The following COL23A1 variants were observed in gnomAD, a reference collection of about 807,000 sequenced individuals.
COL23A1 encodes collagen alpha-1(XXIII) chain.
In COL23A1, 97 loss-of-function variants were observed where a neutral mutation model predicts 99.3. The observed-to-expected ratio is 0.98, with a 90% confidence interval of 0.83 to 1.16. COL23A1 has a LOEUF of 1.16. COL23A1 is among the 50% of genes most tolerant of loss of function. COL23A1 has a pLI of 0.00. For missense variants in COL23A1, 762 were observed against 757.4 expected, an observed-to-expected ratio of 1.01 and a Z score of -0.07; for synonymous variants, 320 against 308.2, an observed-to-expected ratio of 1.04 and a Z score of -0.40.
At chr5:178,358,122 CGT>C (rs1032447682) in intron 2 of COL23A1, among the ~76,000 whole-genome samples, 9 of 130,878 alleles carry the variant, frequency 6.9e-5, no homozygotes, top group African/African-American at 2.6e-4. Flanking sequence ...TGTATGTGTA[CGT>C]GTGTACGTCT....
At chr5:178,302,249 C>G (rs112972372) in intron 3 of COL23A1, among the ~76,000 whole-genome samples, 37 of 121,458 alleles carry the variant, frequency 3.0e-4, no homozygotes, top group African/African-American at 9.6e-4. Context: ...CAATCCACCT[C>G]TGTGTGCGCC....
intron 2 of COL23A1, among the ~76,000 whole-genome samples, chr5:178,450,804 T>C (rs1042319253): frequency 6.6e-6 from 1 of 152,186 alleles, no homozygotes; most frequent in African/African-American, 2.4e-5. Flanking sequence ...ATTTGTCCTG[T>C]TTTACAGATG....
intron 2 of COL23A1, among the ~76,000 whole-genome samples, chr5:178,552,848 G>A (rs1020003861): frequency 2.0e-5 from 3 of 151,906 alleles, no homozygotes; most frequent in African/African-American, 7.3e-5. Flanking sequence ...TGAGTAGCTG[G>A]GACTACAGGC....
rs1581393919 is a variant in COL23A1, at chr5:178,439,872, G to A, written c.361+120810C>T. ...GGAATACCACTACATGCTACAACAT[G>A]GATGAGCCCCAGAAATGCGACGCTG... On this transcript the variant is annotated intron_variant, in intron 2 of 28. Coordinates refer to ENST00000390654, the MANE Select transcript of COL23A1 (RefSeq NM_173465.4). This position sits in a 1 kb window ranked among gnomAD's most constrained non-coding sequence, Gnocchi z 4.2. 1 of 152,226 alleles carries A rather than the reference G, an allele frequency of 6.6e-6. No homozygotes were observed. The highest frequency in any genetic ancestry group is 1.5e-5 in the Non-Finnish European group (1 of 68,046). 9.4% of individuals were successfully genotyped at this position (152,226 alleles called of 1,614,324 possible).
At chr5:178,577,328 G>C (rs1161943137) in intron 1 of COL23A1, among the ~76,000 whole-genome samples, 1 of 152,072 alleles carries the variant, frequency 6.6e-6, no homozygotes, top group East Asian at 1.9e-4. Context: ...TTGGATCAGG[G>C]CCCCCCCACA....
At chr5:178,548,503 A>C (rs1484861497) in intron 2 of COL23A1, among the ~76,000 whole-genome samples, 1 of 148,198 alleles carries the variant, frequency 6.7e-6, no homozygotes, top group Admixed American at 6.7e-5. Flanking sequence ...GTCCACCTCC[A>C]CGTCCTGCCA....
intron 1 of COL23A1, among the ~76,000 whole-genome samples, chr5:178,587,887 A>C (rs1326753775): frequency 2.6e-5 from 4 of 152,200 alleles, no homozygotes; most frequent in Non-Finnish European, 2.9e-5. Flanking sequence ...AAGAGAGAGA[A>C]GCTGTCTCAC....
chr5:178,517,537 T>G (rs1461694997), intron 2 of COL23A1, among the ~76,000 whole-genome samples: 1 of 138,586 alleles, frequency 7.2e-6, no homozygotes, highest in Non-Finnish European at 1.5e-5. Context: ...CTCTTAGGGC[T>G]CAGACTCTCG....
At chr5:178,339,379 G>A (rs1760527733) in intron 2 of COL23A1, among the ~76,000 whole-genome samples, 1 of 152,172 alleles carries the variant, frequency 6.6e-6, no homozygotes, top group Non-Finnish European at 1.5e-5. Flanking sequence ...CTGTCCCTCT[G>A]CACTAAGACT....
rs1283753603 is a variant in COL23A1 at position 178,255,277 on chromosome 5, CCT to C, written c.883-253_883-252del. ...CTCACGTGGGCATTCAGGCCTGACCCCTGAGTTCTCGGGGGCAAATGGAAAGC... is the reference window on the plus strand; with the variant it reads ...CTCACGTGGGCATTCAGGCCTGACCCGAGTTCTCGGGGGCAAATGGAAAGC... On this transcript the variant is annotated intron_variant, in intron 15 of 28. Transcript: ENST00000390654. This position sits in a 1 kb window ranked among gnomAD's most constrained non-coding sequence, Gnocchi z 4.2. 5.3e-5 allele frequency among the ~76,000 whole-genome samples: 8 copies of C among 152,158 alleles called. No homozygotes were observed. Among genetic ancestry groups the C allele is most frequent in the South Asian group, 2.1e-4 (1 of 4,816 alleles).
At chr5:178,483,996 G>A (rs1757474804) in intron 2 of COL23A1, among the ~76,000 whole-genome samples, 1 of 152,082 alleles carries the variant, frequency 6.6e-6, no homozygotes, top group African/African-American at 2.4e-5. Flanking sequence ...GGAGTGCAAT[G>A]GCATGATCTC....
chr5:178,275,711 T>C (rs1439425527), intron 5 of COL23A1, among the ~76,000 whole-genome samples: 1 of 152,158 alleles, frequency 6.6e-6, no homozygotes, highest in East Asian at 1.9e-4. Context: ...AACTACCTTT[T>C]CCCTACTCTT....
intron 2 of COL23A1, among the ~76,000 whole-genome samples, chr5:178,523,305 T>G (rs1300303393): frequency 7.3e-6 from 1 of 137,238 alleles, no homozygotes; most frequent in Non-Finnish European, 1.5e-5. Context: ...TGCGCGCCCG[T>G]AATCCTAGCT....
intron 2 of COL23A1, among the ~76,000 whole-genome samples, chr5:178,493,154 G>T (rs1581497770): frequency 6.6e-6 from 1 of 152,196 alleles, no homozygotes; most frequent in African/African-American, 2.4e-5. Context: ...CGCTGTGAGG[G>T]AAAGGAGGTG....
chr5:178,543,140 G>A (rs950142457), intron 2 of COL23A1, among the ~76,000 whole-genome samples: 6 of 150,842 alleles, frequency 4.0e-5, no homozygotes, highest in Non-Finnish European at 5.9e-5. Context: ...GGAGTTTCGC[G>A]CTTGTCGCCC....
intron 2 of COL23A1, among the ~76,000 whole-genome samples, chr5:178,337,955 G>A (rs1760439944): frequency 6.6e-6 from 1 of 152,048 alleles, no homozygotes; most frequent in South Asian, 2.1e-4. Flanking sequence ...CTCATGCCAG[G>A]CACTGTGTTT....
At chr5:178,425,733 ATGG>A (rs1765893703) in intron 2 of COL23A1, among the ~76,000 whole-genome samples, 2 of 152,214 alleles carry the variant, frequency 1.3e-5, no homozygotes, top group African/African-American at 4.8e-5. Context: ...AGCTTCAAAG[ATGG>A]CTGCAGTGCA....
intron 2 of COL23A1, among the ~76,000 whole-genome samples, chr5:178,409,255 C>T (rs1764940770): frequency 6.6e-6 from 1 of 152,218 alleles, no homozygotes; most frequent in Non-Finnish European, 1.5e-5. Flanking sequence ...ACTATTGATA[C>T]ATCCAACTTG....
intron 27 of COL23A1, among the ~76,000 whole-genome samples, chr5:178,240,753 C>G (rs572327010): frequency 1.0e-3 from 152 of 152,276 alleles, no homozygotes; most frequent in Admixed American, 4.1e-3. Context: ...GAACAGAGGC[C>G]AGAGGTCTGG....
Sources: allele counts gnomAD v4.1 joint callset (sites outside exome capture counted in the v4.1 genomes callset), GRCh38; gene constraint gnomAD v4.1.1; non-coding constraint Gnocchi (gnomAD v3.1); transcripts MANE v1.5; gene names NCBI Gene and HGNC (gene_info 2026-07-23, HGNC 2026-07-21).